The following SNW1 variants were observed in gnomAD, a reference collection of about 807,000 sequenced individuals.
SNW1 encodes the protein SNW domain containing 1.
Under a neutral mutation model 75.6 loss-of-function variants are expected in SNW1, and 9 were observed. That is an observed-to-expected ratio of 0.12 (90% CI 0.07 to 0.21). The LOEUF (loss-of-function observed/expected upper bound fraction) is 0.21, where lower values mean the gene tolerates loss of function less well. Among genes scored for constraint, SNW1 ranks in the 10% least tolerant of loss-of-function variants. The probability of loss-of-function intolerance (pLI) is 1.00; values close to 1 mark genes in which losing one functional copy is unlikely to be tolerated. For missense variants in SNW1, 409 were observed against 670.9 expected, an observed-to-expected ratio of 0.61 and a Z score of 4.31; for synonymous variants, 200 against 219.1, an observed-to-expected ratio of 0.91 and a Z score of 0.77.
intron 11 of SNW1, among the ~76,000 whole-genome samples, chr14:77,722,304 T>TA (rs138341148): frequency 0.065 from 9,824 of 152,216 alleles, 383 homozygotes; most frequent in African/African-American, 0.095. Flanking sequence ...TATACGTTTA[T>TA]ACTTACTAAG....
At chr14:77,739,977 A>T (rs1017643750) in intron 3 of SNW1, among the ~76,000 whole-genome samples, 26 of 152,062 alleles carry the variant, frequency 1.7e-4, no homozygotes, top group Admixed American at 1.7e-3. Flanking sequence ...TACTAAAAAT[A>T]CAAAAAATTA....
At chr14:77,757,699 G>A (rs993051491) in intron 1 of SNW1, among the ~76,000 whole-genome samples, 4 of 152,130 alleles carry the variant, frequency 2.6e-5, no homozygotes, top group African/African-American at 9.7e-5. Flanking sequence ...ATGAGACTGT[G>A]AGCAGCTCTG....
chr14:77,743,419 A>G (rs2080734725), intron 3 of SNW1, among the ~76,000 whole-genome samples: 1 of 152,142 alleles, frequency 6.6e-6, no homozygotes, highest in Admixed American at 6.5e-5. Context: ...ATCCTCACTG[A>G]TTCTTCTCAC....
At chr14:77,722,893 G>A (rs145967441) in intron 11 of SNW1, 17,028 of 413,838 alleles carry the variant, frequency 0.041, 472 homozygotes, top group South Asian at 0.05. Context: ...CGCCCAGGCT[G>A]GAATGCAGTG....
At chr14:77,718,563 G>A (rs754427529) in intron 12 of SNW1, 33 bp from the exon 13 acceptor site, 1 of 1,390,418 alleles carries the variant, frequency 7.2e-7, no homozygotes, top group Non-Finnish European at 1.0e-6. Context: ...AAATAAAAGT[G>A]TAAACATTGT....
At chr14:77,746,724 A>C (rs2139923222) in intron 3 of SNW1, among the ~76,000 whole-genome samples, 1 of 152,340 alleles carries the variant, frequency 6.6e-6, no homozygotes, top group South Asian at 2.1e-4. Flanking sequence ...ACTTATATGT[A>C]CTAACAAAAA....
At chr14:77,734,648 C>G (rs2080655736) in intron 8 of SNW1, among the ~76,000 whole-genome samples, 1 of 151,936 alleles carries the variant, frequency 6.6e-6, no homozygotes, top group African/African-American at 2.4e-5. Context: ...TGAGGCAGGG[C>G]AATCGCTTCA....
Position 77,742,870 on chromosome 14 carries a change from G to A in SNW1, c.331-3809C>T, listed in dbSNP as rs924788960. On this transcript the variant is annotated intron_variant, in intron 3 of 13. Coordinates refer to ENST00000261531, the MANE Select transcript of SNW1 (RefSeq NM_012245.3). ...ATGAGCCAATGCACTTGGCCTGTAT[G>A]TAGTATTTCTTACATAACTATTTCA... Among the ~76,000 whole-genome samples, 112 of 151,102 alleles carry A rather than the reference G, an allele frequency of 7.4e-4. 6 individuals are homozygous for A. The highest frequency in any genetic ancestry group is 7.4e-5 in the Non-Finnish European group (5 of 67,822).
At chr14:77,753,428 A>G (rs2080822404) in intron 2 of SNW1, among the ~76,000 whole-genome samples, 1 of 152,026 alleles carries the variant, frequency 6.6e-6, no homozygotes, top group African/African-American at 2.4e-5. Flanking sequence ...CCCAGGTAAG[A>G]CTCCTTGATA....
chr14:77,758,217 C>T (rs1166550330), intron 1 of SNW1, among the ~76,000 whole-genome samples: 1 of 144,038 alleles, frequency 6.9e-6, no homozygotes, highest in African/African-American at 2.6e-5. Context: ...GTAATCCCAG[C>T]TGAGGCAGGA....
At chr14:77,728,446 C>T (rs1017130083) in intron 10 of SNW1, among the ~76,000 whole-genome samples, 1 of 151,636 alleles carries the variant, frequency 6.6e-6, no homozygotes, top group East Asian at 1.9e-4. Context: ...AGCGAAACTC[C>T]GTTTCAAAAA....
At chr14:77,740,178 CAATA>C (rs1884078513) in intron 3 of SNW1, among the ~76,000 whole-genome samples, 1 of 115,494 alleles carries the variant, frequency 8.7e-6, no homozygotes, top group African/African-American at 3.1e-5. Flanking sequence ...ACAGAAAATT[CAATA>C]AATAATAGGC....
In SNW1 at chr14:77,760,685, G is replaced by GA. The variant is rs776618737; in HGVS notation, c.14+428dup. ...TGTTTCGGGACACCCAGTGGACAGCGAAAGGAGAGAGACCACCACAGGCAA... is the reference window on the plus strand; with the variant it reads ...TGTTTCGGGACACCCAGTGGACAGCGAAAAGGAGAGAGACCACCACAGGCAA... On this transcript the variant is annotated intron_variant, in intron 1 of 13. Transcript: ENST00000261531. 15 of 702,184 alleles carry GA rather than the reference G, an allele frequency of 2.1e-5. No homozygotes were observed. In the South Asian group the frequency reaches 2.2e-4, roughly 10 times the overall value. The allele number at this position is 702,184 out of a possible 1,614,324, so 43.5% of individuals were successfully genotyped here. A position where few individuals can be genotyped will look rare whatever the true frequency, so the allele number is the denominator to read the frequency against.
At chr14:77,749,863 T>C (rs762544176) in intron 3 of SNW1, among the ~76,000 whole-genome samples, 4 of 152,126 alleles carry the variant, frequency 2.6e-5, no homozygotes, top group Non-Finnish European at 4.4e-5. Context: ...GTAAGGTTCA[T>C]AGAGGAAGAG....
rs74805936 is a variant in SNW1 at position 77,741,962 on chromosome 14, G to A, written c.331-2901C>T. On this transcript the variant is annotated intron_variant, in intron 3 of 13. Transcript: ENST00000261531. ...TCAAATGAGCATCAATAAGATTCTA[G>A]TATCTCACAAGGCTGAGTGAAGGAC... 1.4e-3 allele frequency among the ~76,000 whole-genome samples: 207 copies of A among 152,078 alleles called. 7 individuals carry two copies. The East Asian group carries it at 0.033, about 24-fold the overall frequency.
At chr14:77,736,842 C>A (rs1242240874) in intron 6 of SNW1, 129 bp downstream of exon 6, 1 of 658,258 alleles carries the variant, frequency 1.5e-6, no homozygotes, top group African/African-American at 1.8e-5. Flanking sequence ...GTTTGCATTT[C>A]CTGGAGTTTT....
At chr14:77,748,633 C>T (rs1391555554) in intron 3 of SNW1, among the ~76,000 whole-genome samples, 2 of 151,808 alleles carry the variant, frequency 1.3e-5, no homozygotes, top group East Asian at 3.9e-4. Context: ...GTCGCCCAGG[C>T]TGGAGTGCGG....
At chr14:77,759,944 C>A (rs1566839075) in intron 1 of SNW1, among the ~76,000 whole-genome samples, 1 of 151,434 alleles carries the variant, frequency 6.6e-6, no homozygotes. Context: ...ACAGCGAGAC[C>A]GCATCTCAAA....
chr14:77,760,964 C>T (rs2080885891), intron 1 of SNW1, 150 bp downstream of exon 1: 2 of 1,564,792 alleles, frequency 1.3e-6, no homozygotes, highest in African/African-American at 1.4e-5. Context: ...CTAGTCGTAG[C>T]GGCGGCCAGC....
Sources: allele counts gnomAD v4.1 joint callset (sites outside exome capture counted in the v4.1 genomes callset), GRCh38; gene constraint gnomAD v4.1.1; transcripts MANE v1.5; gene names NCBI Gene and HGNC (gene_info 2026-07-23, HGNC 2026-07-21).